The following AVPR1B variants were observed in gnomAD, a reference collection of about 807,000 sequenced individuals.
AVPR1B encodes the protein vasopressin V1b receptor.
AVPR1B carries 25 observed loss-of-function variants against 27.5 expected under a neutral mutation model. The observed-to-expected ratio is 0.91, with a 90% CI of 0.66 to 1.27. The LOEUF (loss-of-function observed/expected upper bound fraction) is 1.27, where lower values mean the gene tolerates loss of function less well. Among genes scored for constraint, AVPR1B ranks in the 50% most tolerant of loss-of-function variants. AVPR1B has a pLI of 0.00. For missense variants in AVPR1B, 595 were observed against 556.9 expected, an observed-to-expected ratio of 1.07 and a Z score of -0.69; for synonymous variants, 248 against 240.2, an observed-to-expected ratio of 1.03 and a Z score of -0.30.
rs1260256587 is a variant in AVPR1B, at chr1:206,108,144, T to C, written c.*2045A>G. Among the ~76,000 whole-genome samples, 2 of 152,162 alleles carry C rather than the reference T, an allele frequency of 1.3e-5. No individual in the cohort carries two copies. Among genetic ancestry groups the C allele is most frequent in the Non-Finnish European group, 2.9e-5 (2 of 68,022 alleles). On this transcript the variant is annotated 3_prime_UTR_variant, in exon 2 of 2. Transcript: ENST00000367126. ...GGGCAAGGGGGTGGGGAGGCCGCTT[T>C]TGTAAGCAGGGGAAGGAGCAGATTC...
At position 206,107,138 on chromosome 1, in the gene AVPR1B, G is replaced by A. The variant is rs943372076; in HGVS notation, c.*3051C>T. On this transcript the variant is annotated 3_prime_UTR_variant, in exon 2 of 2. Transcript: ENST00000367126. Reference sequence around the variant, plus strand: ...TTCTGAGAAATCCCCGTAGTCAACCGATGAACCCCTCCTGTCCTCCTCTCT... The same window carrying A: ...TTCTGAGAAATCCCCGTAGTCAACCAATGAACCCCTCCTGTCCTCCTCTCT... Among the ~76,000 whole-genome samples, 1 of 152,136 alleles carries A rather than the reference G, an allele frequency of 6.6e-6. No homozygotes were observed. Among genetic ancestry groups the A allele is most frequent in the Non-Finnish European group, 1.5e-5 (1 of 68,018 alleles).
rs1663297217 is a variant in AVPR1B, at chr1:206,107,428, A to G, written c.*2761T>C. ...CAGACTGTCCAGGCGAGCCTCCTAC[A>G]GGTCCTGCAGAACTTTCACTCATAG... On this transcript the variant is annotated 3_prime_UTR_variant, in exon 2 of 2. Coordinates refer to ENST00000367126, the MANE Select transcript of AVPR1B (RefSeq NM_000707.5). 6.6e-6 allele frequency among the ~76,000 whole-genome samples: 1 copy of G among 152,074 alleles called. No homozygotes were observed. Among genetic ancestry groups the G allele is most frequent in the Non-Finnish European group, 1.5e-5 (1 of 68,014 alleles).
intron 1 of AVPR1B, among the ~76,000 whole-genome samples, chr1:206,113,668 A>C (rs1553290141): frequency 6.6e-6 from 1 of 152,232 alleles, no homozygotes; most frequent in East Asian, 1.9e-4. Context: ...ATAAAGAGGC[A>C]GATGACCATC....
In AVPR1B at chr1:206,117,000, G is replaced by A. The variant is rs1407807562; in HGVS notation, c.-110C>T. 1.6e-5 allele frequency: 16 copies of A among 1,028,550 alleles called. No individual in the cohort carries two copies. The African/African-American group carries it at 2.2e-4, about 14-fold the overall frequency. The allele number at this position is 1,028,550 out of a possible 1,614,324, so 63.7% of individuals were successfully genotyped here. ...GAGGTGGAGAGAAAGGAGAAGCGTT[G>A]AGAATGACAGGGAGAAGGCTTGCAA... is the stretch of plus-strand genomic sequence containing the variant. On this transcript the variant is annotated 5_prime_UTR_variant, in exon 1 of 2. Coordinates refer to ENST00000367126, the MANE Select transcript of AVPR1B (RefSeq NM_000707.5).
At chr1:206,115,930 C>A in intron 1 of AVPR1B, 21 bp downstream of exon 1, 2 of 1,573,790 alleles carry the variant, frequency 1.3e-6, no homozygotes, top group South Asian at 2.4e-5. Context: ...ACCTCACTGC[C>A]CCCACATAGA....
chr1:206,116,435 C>A lies in AVPR1B; in HGVS notation c.456G>T (p.Leu152=). ...SLQQPGQSTY[L]LIAAPWLLAA... is the part of the protein sequence containing the mutation. ...CCAGCAGCCAGGGAGCAGCGATGAG[C>A]AGGTAGGTGGACTGGCCTGGCTGCT... Residue 152 remains leucine, a synonymous_variant, in exon 1 of 2, where the codon CTG becomes CTT. Coordinates refer to ENST00000367126, the MANE Select transcript of AVPR1B (RefSeq NM_000707.5). 4 of 1,613,946 alleles carry A rather than the reference C, an allele frequency of 2.5e-6. No individual in the cohort carries two copies. Among genetic ancestry groups the A allele is most frequent in the Non-Finnish European group, 2.5e-6 (3 of 1,180,030 alleles).
intron 1 of AVPR1B, among the ~76,000 whole-genome samples, chr1:206,114,112 T>C (rs1663423291): frequency 6.6e-6 from 1 of 152,234 alleles, no homozygotes; most frequent in Admixed American, 6.5e-5. Context: ...ATTAAATTCA[T>C]GAATGGCTCT....
intron 1 of AVPR1B, among the ~76,000 whole-genome samples, chr1:206,111,596 A>G (rs142571813): frequency 1.3e-5 from 2 of 152,350 alleles, no homozygotes; most frequent in Non-Finnish European, 2.9e-5. Context: ...GCTCTAAGGT[A>G]GAGATCCTAT....
chr1:206,115,979 G>C lies in AVPR1B; in HGVS notation c.912C>G (p.Ser304=), dbSNP rs1663459466. The change falls in exon 1 of 2, where the codon TCC becomes TCG. Residue 304 remains serine (S), a synonymous_variant. Coordinates refer to ENST00000367126, the MANE Select transcript of AVPR1B (RefSeq NM_000707.5). Reference sequence around the variant, plus strand: ...CATCAGGGGCATTCTTGTCCCACACGGACCACATCTGGACACTGAAGAAGG... The same window carrying C: ...CATCAGGGGCATTCTTGTCCCACACCGACCACATCTGGACACTGAAGAAGG... ...WAPFFSVQMW[S]VWDKNAPDED... 2 of 1,608,920 alleles carry C rather than the reference G, an allele frequency of 1.2e-6. No individual in the cohort carries two copies. Among genetic ancestry groups the C allele is most frequent in the African/African-American group, 1.3e-5 (1 of 74,950 alleles).
rs1663495005 is a variant in AVPR1B, at chr1:206,117,159, A to G, written c.-269T>C. The G allele has an allele frequency of 4.1e-6, 2 of 483,650 alleles. No individual in the cohort carries two copies. Among genetic ancestry groups the G allele is most frequent in the African/African-American group, 4.0e-5 (2 of 50,294 alleles). 30.0% of individuals were successfully genotyped at this position (483,650 alleles called of 1,614,324 possible). ...AGGAAGATGGGGAATCAGGACGGGA[A>G]GAATGGGGGACGCTGTGCAGAGTGA... is the stretch of plus-strand genomic sequence containing the variant. On this transcript the variant is annotated 5_prime_UTR_variant, in exon 1 of 2. Coordinates refer to ENST00000367126, the MANE Select transcript of AVPR1B (RefSeq NM_000707.5).
At chr1:206,113,716 G>A (rs1438278481) in intron 1 of AVPR1B, among the ~76,000 whole-genome samples, 3 of 152,256 alleles carry the variant, frequency 2.0e-5, no homozygotes, top group Admixed American at 6.5e-5. Context: ...AATGTTGGGA[G>A]TAAAGCCATG....
rs782164694 is a variant in AVPR1B at position 206,116,603 on chromosome 1, G to A, written c.288C>T (p.Ile96=). 2 of 1,614,142 alleles carry A rather than the reference G, an allele frequency of 1.2e-6. No individual in the cohort carries two copies. Among genetic ancestry groups the A allele is most frequent in the Admixed American group, 1.7e-5 (1 of 60,032 alleles). The change falls in exon 1 of 2, where the codon ATC becomes ATT. Residue 96 remains isoleucine (I), a synonymous_variant. Coordinates refer to ENST00000367126, the MANE Select transcript of AVPR1B (RefSeq NM_000707.5). The part of the protein sequence containing the change: ...FQVLPQLLWD[I]TYRFQGPDLL... Reference sequence around the variant, plus strand: ...GGTCGGGGCCCTGGAAGCGGTAGGTGATGTCCCACAGCAGCTGTGGCAGCA... The same window carrying A: ...GGTCGGGGCCCTGGAAGCGGTAGGTAATGTCCCACAGCAGCTGTGGCAGCA...
chr1:206,115,508 T>C (rs1571884230), intron 1 of AVPR1B, among the ~76,000 whole-genome samples: 1 of 152,180 alleles, frequency 6.6e-6, no homozygotes. Flanking sequence ...GGTTTTCATG[T>C]GCCAACCCTA....
rs1663344240 is a variant in AVPR1B at position 206,110,058 on chromosome 1, T to G, written c.*131A>C. 8.8e-7 allele frequency: 1 copy of G among 1,139,558 alleles called. No homozygotes were observed. The highest frequency in any genetic ancestry group is 2.6e-5 in the East Asian group (1 of 38,444). 70.6% of individuals were successfully genotyped at this position (1,139,558 alleles called of 1,614,324 possible). A position where few individuals can be genotyped will look rare whatever the true frequency, so the allele number is the denominator to read the frequency against. On this transcript the variant is annotated 3_prime_UTR_variant, in exon 2 of 2. Coordinates refer to ENST00000367126, the MANE Select transcript of AVPR1B (RefSeq NM_000707.5). ...CCAGGGTAGGGGACCCATTCTGGCC[T>G]TTTCGCTCCGCTTTAGACAGGGCTC...
intron 1 of AVPR1B, among the ~76,000 whole-genome samples, chr1:206,111,452 A>T (rs1224929574): frequency 1.3e-5 from 2 of 152,226 alleles, no homozygotes; most frequent in Non-Finnish European, 2.9e-5. Context: ...CATAGGTGGC[A>T]TACTGAGTCA....
chr1:206,111,057 C>A (rs1022998304), intron 1 of AVPR1B, among the ~76,000 whole-genome samples: 3 of 152,150 alleles, frequency 2.0e-5, no homozygotes, highest in Non-Finnish European at 2.9e-5. Context: ...TATATTCAGT[C>A]ATTGAGTGTG....
In AVPR1B at chr1:206,116,052, A is replaced by G; in HGVS notation, c.839T>C (p.Val280Ala). ...NTISRAKIRT[V>A]KMTFVIVLAY... ...CAGCACGATGACAAAGGTCATCTTC[A>G]CTGTTCGGATCTTGGCCCGTGAGAT... The change falls in exon 1 of 2, where the codon GTG becomes GCG. Residue 280 changes from valine to alanine, a missense_variant. Physicochemically the swap from Val to Ala is moderately conservative, Grantham distance 64. Transcript: ENST00000367126. 1 of 1,614,174 alleles carries G rather than the reference A, an allele frequency of 6.2e-7. No individual in the cohort carries two copies. Among genetic ancestry groups the G allele is most frequent in the Non-Finnish European group, 8.5e-7 (1 of 1,180,026 alleles).
At chr1:206,115,773 G>A (rs540556202) in intron 1 of AVPR1B, among the ~76,000 whole-genome samples, 178 bp downstream of exon 1, 2 of 152,240 alleles carry the variant, frequency 1.3e-5, no homozygotes, top group South Asian at 2.1e-4. Flanking sequence ...ACATGGCATC[G>A]GTAGGCTGAA....
At chr1:206,115,303 A>G (rs1020595428) in intron 1 of AVPR1B, among the ~76,000 whole-genome samples, 28 of 152,058 alleles carry the variant, frequency 1.8e-4, no homozygotes, top group African/African-American at 6.8e-4. Context: ...CACAGAGCTT[A>G]GCCCACTCTC....
Sources: allele counts gnomAD v4.1 joint callset (sites outside exome capture counted in the v4.1 genomes callset), GRCh38; gene constraint gnomAD v4.1.1; transcripts MANE v1.5; gene names NCBI Gene and HGNC (gene_info 2026-07-23, HGNC 2026-07-21).